Variants in RHOBTB1 observed in about 807,000 individuals in gnomAD.
RHOBTB1 encodes the protein rho-related BTB domain-containing protein 1.
A neutral mutation model predicts 71.6 loss-of-function variants in RHOBTB1; 40 were observed. The ratio of observed to expected loss-of-function variants is 0.56; its 90% CI spans 0.43 to 0.73. RHOBTB1 has a LOEUF of 0.73. Ranked by LOEUF, RHOBTB1 falls within the 30% of genes least tolerant of loss-of-function variation. The pLI is 0.00. For synonymous variants in RHOBTB1, 319 were observed against 334.9 expected (o/e 0.95, Z 0.52); for missense variants, 797 against 894.0 (o/e 0.89, Z 1.38).
intron 4 of RHOBTB1, among the ~76,000 whole-genome samples, chr10:60,904,088 G>T (rs576173186): frequency 6.6e-6 from 1 of 151,540 alleles, no homozygotes; most frequent in Non-Finnish European, 1.5e-5. Context: ...TCAACCTCCC[G>T]AGTAGCCACA....
At chr10:60,892,276 T>C (rs1028009952) in intron 5 of RHOBTB1, among the ~76,000 whole-genome samples, 6 of 152,326 alleles carry the variant, frequency 3.9e-5, no homozygotes, top group Admixed American at 6.5e-5. Flanking sequence ...TAAAAAGTAG[T>C]AACTGTTTGT....
chr10:60,959,525 G>A (rs552744948), intron 2 of RHOBTB1, among the ~76,000 whole-genome samples: 1 of 152,260 alleles, frequency 6.6e-6, no homozygotes, highest in South Asian at 2.1e-4. Context: ...AGTGGATGTT[G>A]CTCACATGTC....
intron 1 of RHOBTB1, among the ~76,000 whole-genome samples, chr10:60,991,597 A>G (rs975578882): frequency 6.6e-6 from 1 of 151,836 alleles, no homozygotes; most frequent in African/African-American, 2.4e-5. Context: ...TGCCCGGCTA[A>G]TTTTTGTATT....
chr10:60,997,672 T>A (rs1365042103), intron 1 of RHOBTB1, among the ~76,000 whole-genome samples: 1 of 152,238 alleles, frequency 6.6e-6, no homozygotes, highest in Non-Finnish European at 1.5e-5. Context: ...ATTGGTAAAC[T>A]AATGATAAGT....
At chr10:60,999,334 A>G (rs1340184028) in intron 1 of RHOBTB1, among the ~76,000 whole-genome samples, 2 of 152,252 alleles carry the variant, frequency 1.3e-5, no homozygotes, top group Non-Finnish European at 2.9e-5. Flanking sequence ...TTAACCTGCT[A>G]GTGGTAAATC....
In RHOBTB1 at chr10:61,001,079, C is replaced by CGT. The variant is rs139082859; in HGVS notation, c.-163+318_-163+319dup. Among the ~76,000 whole-genome samples, 1,216 of 149,824 alleles carry CGT rather than the reference C, an allele frequency of 8.1e-3. 9 individuals are homozygous for CGT. The highest frequency in any genetic ancestry group is 0.023 in the African/African-American group (947 of 41,010). ...GTGTGTGAGTGCGCGCGCGCGCACG[C>CGT]GTGTGTGTGTGTGTGTGTGCTGGGG... is the stretch of plus-strand genomic sequence containing the variant. On this transcript the variant is annotated intron_variant, in intron 1 of 11. Coordinates refer to the RHOBTB1 transcript ENST00000357917.
intron 1 of RHOBTB1, among the ~76,000 whole-genome samples, chr10:60,988,378 C>A (rs933046344): frequency 6.6e-6 from 1 of 151,920 alleles, no homozygotes; most frequent in African/African-American, 2.4e-5. Context: ...ATGTGTGATG[C>A]TGAGGTTTGG....
intron 2 of RHOBTB1, among the ~76,000 whole-genome samples, chr10:60,927,245 G>C (rs772467830): frequency 5.5e-4 from 83 of 152,122 alleles, no homozygotes; most frequent in Non-Finnish European, 1.0e-3. Context: ...TCATAGATGG[G>C]AAGATCGATA....
chr10:60,938,710 T>C (rs1373777236), intron 2 of RHOBTB1, among the ~76,000 whole-genome samples: 4 of 152,210 alleles, frequency 2.6e-5, no homozygotes, highest in Non-Finnish European at 5.9e-5. Context: ...ATGAAATGGT[T>C]TAAAGTGTTG....
intron 1 of RHOBTB1, among the ~76,000 whole-genome samples, chr10:60,996,171 C>T (rs942476773): frequency 1.3e-5 from 2 of 152,082 alleles, no homozygotes; most frequent in African/African-American, 4.8e-5. Flanking sequence ...TTTTCTTATT[C>T]TTTCCTTTAG....
the RHOBTB1 span, among the ~76,000 whole-genome samples, chr10:60,863,403 A>T: frequency 2.6e-5 from 4 of 151,390 alleles, no homozygotes; most frequent in Admixed American, 6.6e-5. Flanking sequence ...TTTCATCCGT[A>T]TTTATTTTTT....
intron 2 of RHOBTB1, among the ~76,000 whole-genome samples, chr10:60,955,043 C>CTTTTTTTTTTTTT (rs34012455): frequency 2.7e-5 from 3 of 112,830 alleles, no homozygotes; most frequent in Admixed American, 2.0e-4. Context: ...TTCTTTCTTT[C>CTTTTTTTTTTTTT]TTTTTTTTTT....
chr10:60,972,086 T>C (rs2086177140), intron 2 of RHOBTB1, among the ~76,000 whole-genome samples: 1 of 152,192 alleles, frequency 6.6e-6, no homozygotes. Context: ...TTTACATTGT[T>C]GGTGGGAGTG....
intron 7 of RHOBTB1, among the ~76,000 whole-genome samples, chr10:60,882,534 T>C (rs910314786): frequency 2.6e-5 from 4 of 152,174 alleles, no homozygotes; most frequent in South Asian, 2.1e-4. Flanking sequence ...ATTAAAATCA[T>C]TGGACATAGG....
intron 2 of RHOBTB1, among the ~76,000 whole-genome samples, chr10:60,954,767 G>T (rs774743576): frequency 3.9e-5 from 6 of 152,092 alleles, no homozygotes; most frequent in Non-Finnish European, 8.8e-5. Flanking sequence ...AAGGAGATAA[G>T]TTGGTCAAGT....
chr10:60,873,039 C>T (rs114789509), intron 9 of RHOBTB1, among the ~76,000 whole-genome samples: 2 of 152,170 alleles, frequency 1.3e-5, no homozygotes, highest in Admixed American at 1.3e-4. Context: ...TCCCTAGAAC[C>T]TACAGCATGC....
At chr10:60,942,006 G>T (rs554776488) in intron 1 of RHOBTB1, among the ~76,000 whole-genome samples, 152 bp from the exon 2 acceptor site, 1 of 151,680 alleles carries the variant, frequency 6.6e-6, no homozygotes, top group Admixed American at 6.6e-5. Context: ...TGTTAATGTG[G>T]CATTTCTTTG....
intron 2 of RHOBTB1, among the ~76,000 whole-genome samples, chr10:60,929,661 C>T (rs2084113656): frequency 6.6e-6 from 1 of 152,004 alleles, no homozygotes; most frequent in Admixed American, 6.6e-5. Context: ...TAGAAGGTTA[C>T]AAAAGGCCAA....
chr10:60,867,956 C>A (rs1436980052), downstream of RHOBTB1, among the ~76,000 whole-genome samples: 1 of 152,176 alleles, frequency 6.6e-6, no homozygotes, highest in African/African-American at 2.4e-5. Flanking sequence ...AGTAATCTCT[C>A]GACTTAAGTT....
Sources: allele counts gnomAD v4.1 joint callset (sites outside exome capture counted in the v4.1 genomes callset), GRCh38; gene constraint gnomAD v4.1.1; transcripts MANE v1.5; gene names NCBI Gene and HGNC (gene_info 2026-07-23, HGNC 2026-07-21).